Variants in ADARB2 observed in about 807,000 individuals in gnomAD.
ADARB2 encodes adenosine deaminase RNA specific B2 (inactive).
Under a neutral mutation model 62.2 loss-of-function variants are expected in ADARB2, and 25 were observed. That is an observed-to-expected ratio of 0.40 (90% CI 0.29 to 0.56). The LOEUF (loss-of-function observed/expected upper bound fraction) is 0.56, where lower values mean the gene tolerates loss of function less well. Among genes scored for constraint, ADARB2 ranks in the 20% least tolerant of loss-of-function variants. The pLI is 0.43. For missense variants in ADARB2, 1,071 were observed against 1,077.4 expected, an observed-to-expected ratio of 0.99 and a Z score of 0.08; for synonymous variants, 572 against 500.8, an observed-to-expected ratio of 1.14 and a Z score of -1.90.
chr10:1,240,823 C>T (rs1217986871), intron 5 of ADARB2, among the ~76,000 whole-genome samples: 1 of 152,178 alleles, frequency 6.6e-6, no homozygotes, highest in Non-Finnish European at 1.5e-5. Context: ...GTGATAGTCC[C>T]AGTTGAGCAG....
intron 1 of ADARB2, among the ~76,000 whole-genome samples, chr10:1,469,207 A>ACT (rs1468986026): frequency 1.3e-5 from 2 of 152,214 alleles, no homozygotes; most frequent in African/African-American, 4.8e-5. Context: ...CTACAGCAGA[A>ACT]CTAACAGAGC....
intron 1 of ADARB2, among the ~76,000 whole-genome samples, chr10:1,491,734 G>A (rs990135581): frequency 2.6e-5 from 4 of 152,196 alleles, no homozygotes; most frequent in Non-Finnish European, 2.9e-5. Flanking sequence ...CCCTCAACAA[G>A]GCAAGGAGCT....
At chr10:1,295,583 C>T (rs538240163) in intron 3 of ADARB2, among the ~76,000 whole-genome samples, 19 of 152,102 alleles carry the variant, frequency 1.2e-4, no homozygotes, top group Non-Finnish European at 1.8e-4. Context: ...TCTGAGCTGA[C>T]GTGTGCGCCT....
At chr10:1,347,974 G>A (rs1481283800) in intron 3 of ADARB2, among the ~76,000 whole-genome samples, 2 of 151,802 alleles carry the variant, frequency 1.3e-5, no homozygotes, top group South Asian at 2.1e-4. Context: ...AGACAGAGAC[G>A]GAGACAGAGA....
At chr10:1,594,941 T>C (rs6560743) in intron 1 of ADARB2, among the ~76,000 whole-genome samples, 113,785 of 152,142 alleles carry the variant, frequency 0.75, 42,698 homozygotes, top group East Asian at 0.9. Context: ...GAGCGCCCAC[T>C]GCCTCCCCCA....
chr10:1,627,923 C>T (rs1588329460), intron 1 of ADARB2, among the ~76,000 whole-genome samples: 2 of 152,312 alleles, frequency 1.3e-5, no homozygotes, highest in East Asian at 3.9e-4. Flanking sequence ...GAAGGTGTGA[C>T]TCCCCCCAGC....
At chr10:1,369,812 C>T (rs1200567413) in intron 2 of ADARB2, among the ~76,000 whole-genome samples, 1 of 152,224 alleles carries the variant, frequency 6.6e-6, no homozygotes, top group Non-Finnish European at 1.5e-5. Flanking sequence ...GAGCTTTTCC[C>T]TGGCTCCCAC....
chr10:1,656,583 G>A (rs1834174905), intron 1 of ADARB2, among the ~76,000 whole-genome samples: 1 of 152,090 alleles, frequency 6.6e-6, no homozygotes, highest in African/African-American at 2.4e-5. Flanking sequence ...TTCCTCTAGT[G>A]CGTGGTCTTG....
intron 1 of ADARB2, among the ~76,000 whole-genome samples, chr10:1,397,855 C>G: frequency 9.1e-6 from 1 of 109,724 alleles, no homozygotes; most frequent in African/African-American, 3.7e-5. Flanking sequence ...TCTCCCCTCC[C>G]GAGTGGAGGC....
intron 1 of ADARB2, among the ~76,000 whole-genome samples, chr10:1,655,525 T>A (rs1834162877): frequency 1.3e-5 from 2 of 152,232 alleles, no homozygotes; most frequent in South Asian, 2.1e-4. Context: ...ACAGAACCAC[T>A]GTAAAACTGT....
chr10:1,598,557 C>T (rs1453157477), intron 1 of ADARB2, among the ~76,000 whole-genome samples: 1 of 152,072 alleles, frequency 6.6e-6, no homozygotes, highest in Non-Finnish European at 1.5e-5. Flanking sequence ...TGGACCGAAA[C>T]GGGTCGGGGA....
At chr10:1,203,235 A>T (rs1564218846) in intron 7 of ADARB2, among the ~76,000 whole-genome samples, 1 of 152,070 alleles carries the variant, frequency 6.6e-6, no homozygotes, top group Non-Finnish European at 1.5e-5. Flanking sequence ...ACCACAGATA[A>T]GTGGGGAAGG....
chr10:1,194,040 C>A (rs145479688), intron 8 of ADARB2, among the ~76,000 whole-genome samples: 2 of 152,294 alleles, frequency 1.3e-5, no homozygotes, highest in Non-Finnish European at 2.9e-5. Flanking sequence ...TTCTGGAACT[C>A]TTATTACATG....
At chr10:1,534,027 G>C (rs563056178) in intron 1 of ADARB2, among the ~76,000 whole-genome samples, 1 of 150,648 alleles carries the variant, frequency 6.6e-6, no homozygotes, top group South Asian at 2.2e-4. Flanking sequence ...TGACTTTGAT[G>C]GGGGAGGGAG....
intron 3 of ADARB2, among the ~76,000 whole-genome samples, chr10:1,359,933 T>C (rs1333041704): frequency 6.6e-6 from 1 of 152,346 alleles, no homozygotes; most frequent in South Asian, 2.1e-4. Context: ...CATTGGAAAC[T>C]TTTTTCATTG....
chr10:1,535,215 C>T (rs1001331602), intron 1 of ADARB2, among the ~76,000 whole-genome samples: 6 of 152,230 alleles, frequency 3.9e-5, no homozygotes, highest in Non-Finnish European at 7.4e-5. Context: ...ACGCCGTCCC[C>T]GGGCAACACA....
intron 3 of ADARB2, among the ~76,000 whole-genome samples, chr10:1,342,572 A>G (rs1832040487): frequency 6.6e-6 from 1 of 152,072 alleles, no homozygotes; most frequent in Non-Finnish European, 1.5e-5. Flanking sequence ...GTACCCTGAG[A>G]TGCTCTCAGA....
At chr10:1,449,610 C>T (rs530033526) in intron 1 of ADARB2, among the ~76,000 whole-genome samples, 5 of 152,206 alleles carry the variant, frequency 3.3e-5, no homozygotes, top group South Asian at 2.1e-4. Flanking sequence ...GAGGAGAAGC[C>T]GAAGAGAACA....
chr10:1,341,193 A>G (rs929468322), intron 3 of ADARB2, among the ~76,000 whole-genome samples: 1 of 152,054 alleles, frequency 6.6e-6, no homozygotes, highest in Non-Finnish European at 1.5e-5. Context: ...CACAGCGGCA[A>G]TAACCAGCAT....
Sources: gnomAD v4.1 joint callset for allele counts (sites outside exome capture counted in the v4.1 genomes callset) on GRCh38, gnomAD v4.1.1 for gene constraint, MANE v1.5 for transcripts, NCBI Gene and HGNC (gene_info 2026-07-23, HGNC 2026-07-21) for gene names.